Variants in WDTC1 observed in about 807,000 individuals in gnomAD.
WDTC1 encodes the protein WD and tetratricopeptide repeats 1, also known as WD and tetratricopeptide repeats protein 1.
A neutral mutation model predicts 76.0 loss-of-function variants in WDTC1; 12 were observed. The ratio of observed to expected loss-of-function variants is 0.16; its 90% CI spans 0.10 to 0.26. WDTC1 has a LOEUF of 0.26. Ranked by LOEUF, WDTC1 falls within the 10% of genes least tolerant of loss-of-function variation. The pLI is 1.00. For synonymous variants in WDTC1, 326 were observed against 350.8 expected (o/e 0.93, Z 0.79); for missense variants, 511 against 908.8 (o/e 0.56, Z 5.63).
chr1:27,293,951 T>C lies in WDTC1; in HGVS notation c.663-71T>C. The stretch of plus-strand genomic sequence containing the variant: ...TCAGATACAAATGTAAGTTTTCGTC[T>C]AGTGAGTGTGGTCTGGTCTAGCCAG... On this transcript the variant is annotated intron_variant, in intron 7 of 15. Coordinates refer to ENST00000319394, the MANE Select transcript of WDTC1 (RefSeq NM_001276252.2). The C allele has an allele frequency of 2.8e-6, 4 of 1,437,686 alleles. No individual in the cohort carries two copies. In the South Asian group the frequency reaches 3.6e-5, roughly 13 times the overall value. 89.1% of individuals were successfully genotyped at this position (1,437,686 alleles called of 1,614,324 possible). A position where few individuals can be genotyped will look rare whatever the true frequency, so the allele number is the denominator to read the frequency against.
At chr1:27,281,386 G>A (rs1570968724) in intron 3 of WDTC1, among the ~76,000 whole-genome samples, 2 of 150,710 alleles carry the variant, frequency 1.3e-5, no homozygotes, top group Non-Finnish European at 3.0e-5. Context: ...CCCAGGAGGC[G>A]GAGGTTGCAG....
chr1:27,260,050 T>C (rs1275221981), intron 1 of WDTC1, among the ~76,000 whole-genome samples: 1 of 151,468 alleles, frequency 6.6e-6, no homozygotes, highest in Non-Finnish European at 1.5e-5. Context: ...AAAAAAAGAG[T>C]AGTGAGACTA....
At chr1:27,279,314 A>C (rs1019043022) in intron 3 of WDTC1, among the ~76,000 whole-genome samples, 9 of 152,054 alleles carry the variant, frequency 5.9e-5, no homozygotes, top group African/African-American at 2.2e-4. Flanking sequence ...CAGGCAGATC[A>C]CTTGAGCCCA....
At chr1:27,264,746 C>T (rs960208476) in intron 3 of WDTC1, among the ~76,000 whole-genome samples, 1 of 152,080 alleles carries the variant, frequency 6.6e-6, no homozygotes, top group African/African-American at 2.4e-5. Flanking sequence ...CCTTGGCCTC[C>T]CAAAGTGCTG....
In WDTC1 at chr1:27,263,166, G is replaced by A. The variant is rs1315683148; in HGVS notation, c.63G>A (p.Leu21=). 4.3e-6 allele frequency: 7 copies of A among 1,613,440 alleles called. No homozygotes were observed. The South Asian group carries it at 6.6e-5, about 15-fold the overall frequency. The change falls in exon 3 of 16, where the codon CTG becomes CTA. Residue 21 remains leucine, a synonymous_variant. Transcript: ENST00000319394. Reference sequence around the variant, plus strand: ...CTGTCCCCTAGGAGCGGGGTGCCCTGAGCTTTGAGCGGCGCTACCATGTCA... The same window carrying A: ...CTGTCCCCTAGGAGCGGGGTGCCCTAAGCTTTGAGCGGCGCTACCATGTCA... The part of the protein sequence containing the change: ...IRRQIKERGA[L]SFERRYHVTD...
chr1:27,241,459 G>T (rs1213260831), intron 1 of WDTC1, among the ~76,000 whole-genome samples: 1 of 152,148 alleles, frequency 6.6e-6, no homozygotes, highest in Non-Finnish European at 1.5e-5. Context: ...CATAGTTGAG[G>T]CCTGAGTGTT....
chr1:27,239,232 A>C (rs1240554531), intron 1 of WDTC1, among the ~76,000 whole-genome samples: 6 of 145,776 alleles, frequency 4.1e-5, no homozygotes, highest in African/African-American at 1.5e-4. Flanking sequence ...GTAAAACCTA[A>C]CATGGCTTGG....
intron 3 of WDTC1, among the ~76,000 whole-genome samples, chr1:27,270,753 A>AAAACAAAC (rs1053242623): frequency 6.6e-6 from 1 of 152,194 alleles, no homozygotes; most frequent in Admixed American, 6.6e-5. Context: ...TCCTATCTCA[A>AAAACAAAC]AAACAAACAA....
intron 11 of WDTC1, among the ~76,000 whole-genome samples, chr1:27,297,621 A>T (rs2013728065): frequency 6.6e-6 from 1 of 152,202 alleles, no homozygotes; most frequent in African/African-American, 2.4e-5. Context: ...TCGGGTGGTC[A>T]TAAGGTTCAG....
At chr1:27,284,488 T>C (rs898282963) in intron 5 of WDTC1, among the ~76,000 whole-genome samples, 3 of 152,224 alleles carry the variant, frequency 2.0e-5, no homozygotes, top group African/African-American at 7.2e-5. Context: ...TAAACCCTTT[T>C]TTCTTCTCAA....
In WDTC1 at chr1:27,269,599, G is replaced by GTT. The variant is rs1570959197; in HGVS notation, c.132+6369_132+6370dup. ...GAGCAACATGATCAGATTTTTTTTT[G>GTT]TTTTTTGTTTTTTTTTTTTCGGTTT... On this transcript the variant is annotated intron_variant, in intron 3 of 15. Coordinates refer to ENST00000319394, the MANE Select transcript of WDTC1 (RefSeq NM_001276252.2). Among the ~76,000 whole-genome samples the GTT allele has an allele frequency of 2.9e-4, 24 of 81,874 alleles. No individual in the cohort carries two copies. The East Asian group carries it at 8.4e-3, about 29-fold the overall frequency. 53.7% of individuals were successfully genotyped at this position (81,874 alleles called of 152,430 possible).
intron 6 of WDTC1, among the ~76,000 whole-genome samples, chr1:27,291,959 T>A (rs1054609736): frequency 6.6e-6 from 1 of 152,162 alleles, no homozygotes; most frequent in Admixed American, 6.5e-5. Context: ...ATAGTAGCAA[T>A]AATACTAACA....
intron 3 of WDTC1, among the ~76,000 whole-genome samples, chr1:27,272,158 A>G (rs1204824309): frequency 6.6e-6 from 1 of 151,892 alleles, no homozygotes; most frequent in African/African-American, 2.4e-5. Flanking sequence ...AGGCAGGAGA[A>G]TCGCTTGAAC....
intron 3 of WDTC1, among the ~76,000 whole-genome samples, chr1:27,277,620 T>G (rs144797689): frequency 4.6e-5 from 7 of 152,294 alleles, no homozygotes; most frequent in African/African-American, 1.7e-4. Context: ...TTATCAGAAA[T>G]CAATTGACTG....
intron 1 of WDTC1, among the ~76,000 whole-genome samples, chr1:27,260,081 TTTTTTGTTTTTTG>T (rs1166671604): frequency 6.6e-6 from 1 of 151,852 alleles, no homozygotes; most frequent in African/African-American, 2.4e-5. Context: ...TACCAGGATT[TTTTTTGTTTTTTG>T]TTTTTGTTTT....
At chr1:27,252,653 C>T (rs2012112809) in intron 1 of WDTC1, among the ~76,000 whole-genome samples, 1 of 151,884 alleles carries the variant, frequency 6.6e-6, no homozygotes, top group Admixed American at 6.6e-5. Context: ...CAAAAATTAG[C>T]CAGGCTCGGT....
intron 1 of WDTC1, among the ~76,000 whole-genome samples, chr1:27,241,890 G>GTT (rs548982876): frequency 9.5e-5 from 14 of 147,656 alleles, no homozygotes; most frequent in Non-Finnish European, 1.6e-4. Context: ...GTCTCACACT[G>GTT]TTTTTTTTTG....
rs1394939389 is a variant in WDTC1, at chr1:27,306,632, C to CG, written c.*249_*250insG. 1 of 547,436 alleles carries CG rather than the reference C, an allele frequency of 1.8e-6. No homozygotes were observed. Among genetic ancestry groups the CG allele is most frequent in the African/African-American group, 1.9e-5 (1 of 52,660 alleles). 33.9% of individuals were successfully genotyped at this position (547,436 alleles called of 1,614,324 possible). Reference sequence around the variant, plus strand: ...CAGGAGGGGACACCCCTCCATATGCCCCCCCCCATCTCCTGCTTTCATGTC... The same window carrying CG: ...CAGGAGGGGACACCCCTCCATATGCCGCCCCCCCATCTCCTGCTTTCATGTC... On this transcript the variant is annotated 3_prime_UTR_variant, in exon 16 of 16. Transcript: ENST00000319394. This position sits in a 1 kb window ranked among gnomAD's most constrained non-coding sequence, Gnocchi z 5.0.
intron 1 of WDTC1, among the ~76,000 whole-genome samples, chr1:27,246,098 C>T (rs950994013): frequency 2.6e-5 from 4 of 152,156 alleles, no homozygotes; most frequent in South Asian, 2.1e-4. Flanking sequence ...ATATAATTCA[C>T]GTACCATAAA....
Sources: gnomAD v4.1 joint callset for allele counts (sites outside exome capture counted in the v4.1 genomes callset) on GRCh38, gnomAD v4.1.1 for gene constraint, Gnocchi (gnomAD v3.1) non-coding constraint, MANE v1.5 for transcripts, NCBI Gene and HGNC (gene_info 2026-07-23, HGNC 2026-07-21) for gene names.